Variants in MID1 observed in about 807,000 individuals in gnomAD.
MID1 encodes E3 ubiquitin-protein ligase Midline-1.
In MID1, 7 loss-of-function variants were observed where a neutral mutation model predicts 40.4. The observed-to-expected ratio is 0.17, with a 90% CI of 0.10 to 0.33. The LOEUF (loss-of-function observed/expected upper bound fraction) is 0.33. Ranked by LOEUF, MID1 falls within the 10% of genes least tolerant of loss-of-function variation. The pLI is 1.00. For synonymous variants in MID1, 229 were observed against 221.2 expected, an observed-to-expected ratio of 1.04 and a Z score of -0.31; for missense variants, 367 against 558.5, an observed-to-expected ratio of 0.66 and a Z score of 3.46.
intron 1 of MID1, among the ~76,000 whole-genome samples, chrX:10,758,477 T>C (rs1335015960): frequency 1.9e-5 from 2 of 102,647 alleles, no homozygotes; most frequent in Non-Finnish European, 3.9e-5. Flanking sequence ...TTCTTTCTTT[T>C]CTTTCCTTTT....
intron 1 of MID1, among the ~76,000 whole-genome samples, chrX:10,584,919 T>C (rs1329672343): frequency 9.0e-6 from 1 of 111,017 alleles, no homozygotes; most frequent in Non-Finnish European, 1.9e-5. Flanking sequence ...GCAATTCCTG[T>C]CCCTTTTAAA....
intron 1 of MID1, among the ~76,000 whole-genome samples, chrX:10,681,791 C>A (rs1443932209): frequency 9.0e-6 from 1 of 111,442 alleles, no homozygotes; most frequent in African/African-American, 3.3e-5. Flanking sequence ...ATTATACAGT[C>A]ATTAAAATGA....
intron 3 of MID1, chrX:10,501,600 T>C: frequency 9.3e-7 from 1 of 1,071,867 alleles, no homozygotes; most frequent in Non-Finnish European, 1.2e-6. Flanking sequence ...ATGATGTGAA[T>C]GTAGAAGCAC....
chrX:10,610,565 T>C (rs1303712064), intron 1 of MID1, among the ~76,000 whole-genome samples: 1 of 111,459 alleles, frequency 9.0e-6, no homozygotes, highest in African/African-American at 3.3e-5. Context: ...GAATAATGTA[T>C]GTGAAAGGCC....
At chrX:10,622,891 T>C (rs1019712969), upstream of MID1, among the ~76,000 whole-genome samples, 1 of 111,127 alleles carries the variant, frequency 9.0e-6, no homozygotes, top group Admixed American at 9.6e-5. Flanking sequence ...TTTAAAATTC[T>C]GAATGAAATA....
chrX:10,602,510 T>C (rs1935550333), intron 1 of MID1, among the ~76,000 whole-genome samples: 1 of 110,880 alleles, frequency 9.0e-6, no homozygotes, highest in East Asian at 2.8e-4. Flanking sequence ...ACCACGAATC[T>C]ACTTTCTGGA....
intron 1 of MID1, among the ~76,000 whole-genome samples, chrX:10,768,298 T>G (rs1323747768): frequency 9.0e-6 from 1 of 111,393 alleles, no homozygotes; most frequent in African/African-American, 3.3e-5. Flanking sequence ...TAAATAGCCC[T>G]TTCTAAATAA....
chrX:10,500,623 T>C (rs1450726850), intron 3 of MID1, among the ~76,000 whole-genome samples: 2 of 112,517 alleles, frequency 1.8e-5, no homozygotes, highest in African/African-American at 6.4e-5. Context: ...TTGATTGGAC[T>C]TTCTCATTAA....
chrX:10,613,730 TATAGAGAGAG>T (rs1435343260), intron 1 of MID1, among the ~76,000 whole-genome samples: 155 of 30,643 alleles, frequency 5.1e-3, no homozygotes, highest in Non-Finnish European at 7.1e-3. Flanking sequence ...TATATATATA[TATAGAGAGAG>T]AGAGAGAGAG....
At chrX:10,579,404 C>T (rs930392400) in intron 1 of MID1, among the ~76,000 whole-genome samples, 1 of 111,617 alleles carries the variant, frequency 9.0e-6, no homozygotes, top group African/African-American at 3.3e-5. Flanking sequence ...CAACCAGGAG[C>T]AAAATAGTTA....
chrX:10,735,895 G>T (rs2043484361), intron 1 of MID1, among the ~76,000 whole-genome samples: 1 of 110,996 alleles, frequency 9.0e-6, no homozygotes, highest in African/African-American at 3.3e-5. Context: ...GTCTCCCAAA[G>T]TGCTGGGATT....
intron 1 of MID1, among the ~76,000 whole-genome samples, chrX:10,669,246 A>T (rs1231901034): frequency 1.9e-5 from 2 of 106,921 alleles, no homozygotes; most frequent in South Asian, 4.1e-4. Context: ...AAAAAAAAAA[A>T]AAAAAAAAAA....
intron 2 of MID1, among the ~76,000 whole-genome samples, chrX:10,544,714 C>T (rs965600238): frequency 9.0e-6 from 1 of 111,709 alleles, no homozygotes; most frequent in African/African-American, 3.3e-5. Context: ...TTTAATACCA[C>T]AAGGTTCTCC....
At chrX:10,711,540 G>T (rs2043267642) in intron 1 of MID1, among the ~76,000 whole-genome samples, 1 of 112,340 alleles carries the variant, frequency 8.9e-6, no homozygotes, top group African/African-American at 3.2e-5. Flanking sequence ...AGGAATTCTG[G>T]CTGTGCCTCT....
At chrX:10,546,483 A>G (rs758579677) in intron 2 of MID1, among the ~76,000 whole-genome samples, 1 of 111,947 alleles carries the variant, frequency 8.9e-6, no homozygotes, top group South Asian at 3.8e-4. Flanking sequence ...TCTCAATGAT[A>G]CTGTGAAACA....
chrX:10,544,042 G>A (rs1027549394), intron 2 of MID1, among the ~76,000 whole-genome samples: 1 of 111,298 alleles, frequency 9.0e-6, no homozygotes, highest in Non-Finnish European at 1.9e-5. Context: ...TACTCAGGCT[G>A]TTTCCCAGGG....
chrX:10,663,910 C>T (rs2042933531), intron 1 of MID1, among the ~76,000 whole-genome samples: 1 of 111,720 alleles, frequency 9.0e-6, no homozygotes, highest in Non-Finnish European at 1.9e-5. Flanking sequence ...CCTGTTGATG[C>T]TAACATTGTA....
intron 1 of MID1, among the ~76,000 whole-genome samples, chrX:10,698,975 GC>G (rs2147081226): frequency 9.0e-6 from 1 of 111,240 alleles, no homozygotes; most frequent in South Asian, 3.8e-4. Flanking sequence ...ACAATGTACT[GC>G]CCCTAGCAGC....
At chrX:10,555,820 T>A (rs1304933915) in intron 2 of MID1, among the ~76,000 whole-genome samples, 1 of 110,485 alleles carries the variant, frequency 9.1e-6, no homozygotes, top group Non-Finnish European at 1.9e-5. Flanking sequence ...AAAAGAGATA[T>A]AAGGGAGGAG....
Sources: allele counts gnomAD v4.1 joint callset (sites outside exome capture counted in the v4.1 genomes callset), GRCh38; gene constraint gnomAD v4.1.1; transcripts MANE v1.5; gene names NCBI Gene and HGNC (gene_info 2026-07-23, HGNC 2026-07-21).